Variants in FBXO15 observed in about 807,000 individuals in gnomAD.
The protein encoded by FBXO15 is F-box protein 15.
A neutral mutation model predicts 49.5 loss-of-function variants in FBXO15; 30 were observed. The ratio of observed to expected loss-of-function variants is 0.61; its 90% CI spans 0.45 to 0.82. FBXO15 has a LOEUF of 0.82. Ranked by LOEUF, FBXO15 falls within the 40% of genes least tolerant of loss-of-function variation. The pLI, the probability that FBXO15 is intolerant of heterozygous loss-of-function variation, is 0.00. For missense variants in FBXO15, 591 were observed against 631.5 expected (o/e 0.94, Z 0.69); for synonymous variants, 250 against 232.7 (o/e 1.07, Z -0.68).
At chr18:74,093,720 C>A (rs1257371455) in intron 8 of FBXO15, among the ~76,000 whole-genome samples, 1 of 152,240 alleles carries the variant, frequency 6.6e-6, no homozygotes, top group Non-Finnish European at 1.5e-5. Flanking sequence ...CCAGTGAAGT[C>A]TTGAACCTCT....
In FBXO15 at chr18:74,073,670, T is replaced by C; in HGVS notation, c.1324A>G (p.Ser442Gly). ...GGCGATCTCAGGCACACCGGGGAACTGAAACACCAAAAGGGTTTCCCATGT... is the reference window on the plus strand; with the variant it reads ...GGCGATCTCAGGCACACCGGGGAACCGAAACACCAAAAGGGTTTCCCATGT... The part of the protein sequence containing the change: ...DEHGKPFWCF[S>G]SPVCLRSPAT... Residue 442 changes from serine (S) to glycine (G), a missense_variant, in exon 10 of 10, where the codon AGT becomes GGT. By Grantham distance (56) the Ser-to-Gly change is moderately conservative. Coordinates refer to ENST00000419743, the MANE Select transcript of FBXO15 (RefSeq NM_001142958.2). 1 of 1,614,150 alleles carries C rather than the reference T, an allele frequency of 6.2e-7. No homozygotes were observed. The highest frequency in any genetic ancestry group is 1.1e-5 in the South Asian group (1 of 91,072).
In FBXO15 at chr18:74,140,204, A is replaced by T; in HGVS notation, c.225T>A (p.Asp75Glu). Reference protein sequence around the residue: ...SSFSCCSGFLDGMPSEILLKI... With the variant: ...SSFSCCSGFLEGMPSEILLKI... ...GACAGTCTACTTCTGCTACTTACCC[A>T]TCCAGGAACCCAGAACAGCAGGAGA... is the stretch of plus-strand genomic sequence containing the variant. The change falls in exon 2 of 10, where the codon GAT (aspartate) becomes GAA (glutamate). Residue 75 changes from aspartate to glutamate, a missense_variant and splice_region_variant. By Grantham distance (45) the Asp-to-Glu change is conservative. Coordinates refer to ENST00000419743, the MANE Select transcript of FBXO15 (RefSeq NM_001142958.2). 4 of 1,550,786 alleles carry T rather than the reference A, an allele frequency of 2.6e-6. No individual in the cohort carries two copies. The highest frequency in any genetic ancestry group is 3.5e-6 in the Non-Finnish European group (4 of 1,146,738).
chr18:74,090,699 T>C (rs145423063), intron 8 of FBXO15, among the ~76,000 whole-genome samples: 34 of 152,344 alleles, frequency 2.2e-4, no homozygotes, highest in African/African-American at 7.2e-4. Flanking sequence ...TTCCATGTAA[T>C]TGTATGGTTT....
At chr18:74,102,131 A>G (rs2145147431) in intron 8 of FBXO15, among the ~76,000 whole-genome samples, 1 of 152,300 alleles carries the variant, frequency 6.6e-6, no homozygotes, top group Admixed American at 6.5e-5. Flanking sequence ...TAATTAAACT[A>G]AAGAGCTTTT....
At chr18:74,146,864 A>T (rs1406748793) in intron 1 of FBXO15, among the ~76,000 whole-genome samples, 1 of 152,154 alleles carries the variant, frequency 6.6e-6, no homozygotes, top group Non-Finnish European at 1.5e-5. Flanking sequence ...AGAAGGCAAA[A>T]TATGCATGAC....
At position 74,140,206 on chromosome 18, in the gene FBXO15, C is replaced by A; in HGVS notation, c.223G>T (p.Asp75Tyr). The change falls in exon 2 of 10, where the codon GAT (aspartate) becomes TAT (tyrosine). Residue 75 changes from aspartate (D) to tyrosine (Y), a missense_variant. Transcript: ENST00000419743. Reference sequence around the variant, plus strand: ...CAGTCTACTTCTGCTACTTACCCATCCAGGAACCCAGAACAGCAGGAGAAA... The same window carrying A: ...CAGTCTACTTCTGCTACTTACCCATACAGGAACCCAGAACAGCAGGAGAAA... The part of the protein sequence containing the change: ...SSFSCCSGFL[D>Y]GMPSEILLKI... The A allele has an allele frequency of 6.4e-7, 1 of 1,550,930 alleles. No individual in the cohort carries two copies.
At chr18:74,118,801 G>A (rs541674554) in intron 8 of FBXO15, among the ~76,000 whole-genome samples, 4 of 152,234 alleles carry the variant, frequency 2.6e-5, no homozygotes, top group Non-Finnish European at 5.9e-5. Context: ...ATTTTTATTT[G>A]TGTAGCCAAG....
In FBXO15 at chr18:74,116,358, A is replaced by C. The variant is rs193090289; in HGVS notation, c.1138+7010T>G. On this transcript the variant is annotated intron_variant, in intron 8 of 9. Transcript: ENST00000419743. The stretch of plus-strand genomic sequence containing the variant: ...TTTCATATGCATATGTGCATTTCCA[A>C]AGTGATTTTTTAGATGCTACTTTGC... Among the ~76,000 whole-genome samples the C allele has an allele frequency of 2.0e-5, 3 of 152,308 alleles. No homozygotes were observed. In the East Asian group the frequency reaches 5.8e-4, roughly 29 times the overall value.
At chr18:74,131,859 T>A (rs1236263922) in intron 3 of FBXO15, among the ~76,000 whole-genome samples, 2 of 152,178 alleles carry the variant, frequency 1.3e-5, no homozygotes, top group East Asian at 3.9e-4. Flanking sequence ...GGTCCTGAAC[T>A]GCAGCAGGAC....
chr18:74,118,100 G>C (rs751097993), intron 8 of FBXO15, among the ~76,000 whole-genome samples: 1 of 150,898 alleles, frequency 6.6e-6, no homozygotes, highest in East Asian at 2.0e-4. Context: ...TGGAACTCTC[G>C]ATCCTCCCAC....
chr18:74,073,869 G>T lies in FBXO15; in HGVS notation c.1264-139C>A, dbSNP rs1599125444. 1.8e-5 allele frequency: 19 copies of T among 1,047,554 alleles called. No individual in the cohort carries two copies. In the East Asian group the frequency reaches 4.2e-4, roughly 23 times the overall value. 64.9% of individuals were successfully genotyped at this position (1,047,554 alleles called of 1,614,324 possible). A position where few individuals can be genotyped will look rare whatever the true frequency, so the allele number is the denominator to read the frequency against. ...AGAATACTATCATTGGTTTTTCATG[G>T]CCTACTTCATAACCTAGATTATACT... On this transcript the variant is annotated intron_variant, in intron 9 of 9. Coordinates refer to ENST00000419743, the MANE Select transcript of FBXO15 (RefSeq NM_001142958.2).
chr18:74,146,404 T>A lies in FBXO15; in HGVS notation c.116+1266A>T, dbSNP rs75891223. Among the ~76,000 whole-genome samples the A allele has an allele frequency of 1.1e-3, 173 of 152,342 alleles. 2 individuals carry two copies. In the East Asian group the frequency reaches 0.019, roughly 17 times the overall value. On this transcript the variant is annotated intron_variant, in intron 1 of 9. Transcript: ENST00000419743. ...GAAATGCAGGTTCCCATGCCAGGCATAATGACAGGCCCTCTAATTATATCA... is the reference window on the plus strand; with the variant it reads ...GAAATGCAGGTTCCCATGCCAGGCAAAATGACAGGCCCTCTAATTATATCA...
chr18:74,132,871 CCT>C (rs959580866), intron 3 of FBXO15, among the ~76,000 whole-genome samples: 61 of 152,284 alleles, frequency 4.0e-4, no homozygotes, highest in South Asian at 1.2e-3. Context: ...TCCACACACC[CCT>C]GTTTTTCTCA....
chr18:74,107,205 A>AAAC (rs548159872), intron 8 of FBXO15, among the ~76,000 whole-genome samples: 28 of 151,172 alleles, frequency 1.9e-4, no homozygotes, highest in African/African-American at 6.1e-4. Context: ...AAAAAAAAAA[A>AAAC]AACAACAAAT....
At chr18:74,125,181 C>T (rs1025122428) in intron 6 of FBXO15, among the ~76,000 whole-genome samples, 3 of 152,192 alleles carry the variant, frequency 2.0e-5, no homozygotes, top group African/African-American at 7.2e-5. Flanking sequence ...AGAGGACAAT[C>T]GAAGCCACCA....
chr18:74,102,015 GAAGATAAC>G (rs545406610), intron 8 of FBXO15, among the ~76,000 whole-genome samples: 84 of 152,168 alleles, frequency 5.5e-4, no homozygotes, highest in Non-Finnish European at 9.9e-4. Flanking sequence ...AAAAACTCTA[GAAGATAAC>G]ACTGGAAAAA....
intron 8 of FBXO15, among the ~76,000 whole-genome samples, chr18:74,114,187 C>T (rs1236982958): frequency 6.6e-6 from 1 of 152,164 alleles, no homozygotes. Flanking sequence ...ATGTGACAAG[C>T]CCAGAGTAAA....
At position 74,130,407 on chromosome 18, in the gene FBXO15, A is replaced by G. The variant is rs770616691; in HGVS notation, c.575+9T>C. On this transcript the variant is annotated intron_variant, in intron 4 of 9. Transcript: ENST00000419743. ...ATGCCATCATTCTCTTTTGGAACACACTGCGTACCTGAGGGCCTCTTTGGT... is the reference window on the plus strand; with the variant it reads ...ATGCCATCATTCTCTTTTGGAACACGCTGCGTACCTGAGGGCCTCTTTGGT... The G allele has an allele frequency of 9.9e-6, 16 of 1,613,742 alleles. No homozygotes were observed. The highest frequency in any genetic ancestry group is 6.7e-5 in the Admixed American group (4 of 59,952).
chr18:74,113,822 G>A (rs767738305), intron 8 of FBXO15, among the ~76,000 whole-genome samples: 2 of 152,162 alleles, frequency 1.3e-5, no homozygotes, highest in Non-Finnish European at 2.9e-5. Context: ...ACTTTGCATT[G>A]CTGATCAGGC....
Sources: allele counts gnomAD v4.1 joint callset (sites outside exome capture counted in the v4.1 genomes callset), GRCh38; gene constraint gnomAD v4.1.1; transcripts MANE v1.5; gene names NCBI Gene and HGNC (gene_info 2026-07-23, HGNC 2026-07-21).